Variants in SMAD6 observed in about 807,000 individuals in gnomAD.
The protein encoded by SMAD6 is MAD homolog 6.
SMAD6 carries 103 observed loss-of-function variants against 39.4 expected under a neutral mutation model. That is an observed-to-expected ratio of 2.62 (90% CI 2.23 to 3.08). The LOEUF (loss-of-function observed/expected upper bound fraction) is 3.08, where lower values mean the gene tolerates loss of function less well. Among genes scored for constraint, SMAD6 ranks in the 30% most tolerant of loss-of-function variants. The pLI, the probability that SMAD6 is intolerant of heterozygous loss-of-function variation, is 0.00. For missense variants in SMAD6, 1,104 were observed against 742.9 expected, an observed-to-expected ratio of 1.49 and a Z score of -5.65; for synonymous variants, 445 against 353.3, an observed-to-expected ratio of 1.26 and a Z score of -2.91.
At chr15:66,762,044 A>G (rs1567110690) in intron 3 of SMAD6, among the ~76,000 whole-genome samples, 1 of 152,108 alleles carries the variant, frequency 6.6e-6, no homozygotes, top group Non-Finnish European at 1.5e-5. Flanking sequence ...GCGACTGCTC[A>G]CCTCCTGCAG....
At chr15:66,752,964 G>A (rs984472806) in intron 3 of SMAD6, among the ~76,000 whole-genome samples, 7 of 152,308 alleles carry the variant, frequency 4.6e-5, no homozygotes, top group Middle Eastern at 3.4e-3. Context: ...AGGGGGACAA[G>A]GGTAACATTT....
chr15:66,711,674 C>T lies in SMAD6; in HGVS notation c.824C>T (p.Pro275Leu), dbSNP rs759668190. 1.4e-5 allele frequency: 22 copies of T among 1,613,690 alleles called. No homozygotes were observed. Among genetic ancestry groups the T allele is most frequent in the East Asian group, 8.9e-5 (4 of 44,890 alleles). ...HFSRLCGPES[P>L]PPPYSRLSPR... Reference sequence around the variant, plus strand: ...GCTGTCTCCTGTCTTCCAGAATCTCCGCCACCTCCCTACTCTCGGCTGTCT... The same window carrying T: ...GCTGTCTCCTGTCTTCCAGAATCTCTGCCACCTCCCTACTCTCGGCTGTCT... The change falls in exon 2 of 4, where the codon CCG becomes CTG. Residue 275 changes from proline to leucine, a missense_variant. Transcript: ENST00000288840.
Position 66,703,722 on chromosome 15 carries a change from G to A in SMAD6, c.464G>A (p.Gly155Asp). The part of the protein sequence containing the change: ...LAGAALEPAG[G>D]GRSREARSRL... ...GGGGCGGCCCTGGAGCCGGCGGGCG[G>A]CGGGCGGAGTCGCGAAGCGCGCTCG... The change falls in exon 1 of 4, where the codon GGC (glycine) becomes GAC (aspartate). Residue 155 changes from glycine (G) to aspartate (D), a missense_variant. Coordinates refer to ENST00000288840, the MANE Select transcript of SMAD6 (RefSeq NM_005585.5). 1 of 1,351,806 alleles carries A rather than the reference G, an allele frequency of 7.4e-7. No individual in the cohort carries two copies. The highest frequency in any genetic ancestry group is 1.8e-5 in the South Asian group (1 of 56,974). 83.7% of individuals were successfully genotyped at this position (1,351,806 alleles called of 1,614,324 possible).
At chr15:66,754,808 A>G (rs1171633760) in intron 3 of SMAD6, among the ~76,000 whole-genome samples, 1 of 152,214 alleles carries the variant, frequency 6.6e-6, no homozygotes, top group African/African-American at 2.4e-5. Context: ...TTAAGGCAAC[A>G]GTGAAAAGGA....
At chr15:66,712,805 C>T (rs1893258078) in intron 2 of SMAD6, among the ~76,000 whole-genome samples, 1 of 151,758 alleles carries the variant, frequency 6.6e-6, no homozygotes, top group South Asian at 2.1e-4. Flanking sequence ...CCAGAAGTTC[C>T]AGACCAGCCT....
In SMAD6 at chr15:66,747,628, T is replaced by C. The variant is rs1893929703; in HGVS notation, c.952+31130T>C. The stretch of plus-strand genomic sequence containing the variant: ...GGTAGTTTTTAAGACTAGGTTAGCC[T>C]TCCTCGGACACTGACTCCACGGTTT... On this transcript the variant is annotated intron_variant, in intron 3 of 3. Transcript: ENST00000288840. The surrounding 1 kb of genome is among the most constrained non-coding windows in gnomAD (Gnocchi z 4.5). 6.6e-6 allele frequency among the ~76,000 whole-genome samples: 1 copy of C among 152,240 alleles called. No homozygotes were observed. Among genetic ancestry groups the C allele is most frequent in the African/African-American group, 2.4e-5 (1 of 41,464 alleles).
At chr15:66,765,182 G>A (rs373170982) in intron 3 of SMAD6, among the ~76,000 whole-genome samples, 5 of 152,202 alleles carry the variant, frequency 3.3e-5, no homozygotes, top group African/African-American at 1.2e-4. Context: ...AGGAGAAAGC[G>A]AGTGGATGAG....
chr15:66,745,944 TC>T (rs1422757782), intron 3 of SMAD6, among the ~76,000 whole-genome samples: 1 of 152,180 alleles, frequency 6.6e-6, no homozygotes, highest in Non-Finnish European at 1.5e-5. Context: ...TGTCCCCACT[TC>T]CCACAGCCAG....
At chr15:66,757,715 T>A (rs1241988742) in intron 3 of SMAD6, among the ~76,000 whole-genome samples, 1 of 152,182 alleles carries the variant, frequency 6.6e-6, no homozygotes, top group East Asian at 1.9e-4. Context: ...GTTCAGTGCC[T>A]GGAGGGGGTC....
intron 3 of SMAD6, among the ~76,000 whole-genome samples, chr15:66,721,317 A>G (rs1186742520): frequency 1.3e-5 from 2 of 152,112 alleles, no homozygotes; most frequent in Non-Finnish European, 2.9e-5. Flanking sequence ...GTCAGTGCCT[A>G]CTGAAGCTGG....
intron 3 of SMAD6, among the ~76,000 whole-genome samples, chr15:66,755,394 G>T (rs554665143): frequency 1.3e-5 from 2 of 152,210 alleles, no homozygotes; most frequent in Non-Finnish European, 1.5e-5. Context: ...GAAGAGAGAA[G>T]TGAGTGTGTG....
Position 66,781,682 on chromosome 15 carries a change from T to C in SMAD6, c.*147T>C. ...TAGATTTAATATAAAGTTTTATATA[T>C]TATATGGAAATATATATTATACTTG... On this transcript the variant is annotated 3_prime_UTR_variant, in exon 4 of 4. Transcript: ENST00000288840. 2.1e-6 allele frequency: 1 copy of C among 471,886 alleles called. No individual in the cohort carries two copies. Among genetic ancestry groups the C allele is most frequent in the Non-Finnish European group, 3.7e-6 (1 of 273,780 alleles). The allele number at this position is 471,886 out of a possible 1,614,324, so 29.2% of individuals were successfully genotyped here.
intron 3 of SMAD6, among the ~76,000 whole-genome samples, chr15:66,779,546 G>A (rs1017069108): frequency 2.6e-5 from 4 of 152,176 alleles, no homozygotes; most frequent in Admixed American, 6.5e-5. Flanking sequence ...GGGTGGCTGG[G>A]CGGGCCTCCC....
intron 3 of SMAD6, among the ~76,000 whole-genome samples, chr15:66,771,992 T>A (rs551854800): frequency 2.0e-5 from 3 of 152,170 alleles, no homozygotes; most frequent in African/African-American, 7.2e-5. Context: ...ACCGCCCTCC[T>A]AGGAAGATGG....
chr15:66,703,266 G>A lies in SMAD6; in HGVS notation c.8G>A (p.Arg3Lys), dbSNP rs1337502697. The change falls in exon 1 of 4, where the codon AGG becomes AAG. Residue 3 changes from arginine (R) to lysine (K), a missense_variant. Coordinates refer to ENST00000288840, the MANE Select transcript of SMAD6 (RefSeq NM_005585.5). Reference sequence around the variant, plus strand: ...GGCGCCAAAGGATATCGTATGTTCAGGTCCAAACGCTCGGGGCTGGTGCGG... The same window carrying A: ...GGCGCCAAAGGATATCGTATGTTCAAGTCCAAACGCTCGGGGCTGGTGCGG... MF[R>K]SKRSGLVRRL... 15 of 1,477,430 alleles carry A rather than the reference G, an allele frequency of 1.0e-5. No individual in the cohort carries two copies. The highest frequency in any genetic ancestry group is 1.3e-5 in the Non-Finnish European group (15 of 1,112,976). 91.5% of individuals were successfully genotyped at this position (1,477,430 alleles called of 1,614,324 possible).
chr15:66,768,564 C>T (rs1324951509), intron 3 of SMAD6, among the ~76,000 whole-genome samples: 1 of 152,118 alleles, frequency 6.6e-6, no homozygotes, highest in East Asian at 1.9e-4. Context: ...CATTTTATTT[C>T]GAGCCACTGA....
At chr15:66,761,076 C>T (rs911031856) in intron 3 of SMAD6, among the ~76,000 whole-genome samples, 2 of 152,156 alleles carry the variant, frequency 1.3e-5, no homozygotes, top group African/African-American at 4.8e-5. Flanking sequence ...CCTCTTTAAC[C>T]CTTTTATTTT....
intron 3 of SMAD6, among the ~76,000 whole-genome samples, chr15:66,732,865 A>T (rs1397230520): frequency 6.6e-6 from 1 of 151,866 alleles, no homozygotes; most frequent in African/African-American, 2.4e-5. Context: ...CATGCTTTTT[A>T]TGTCAGTTAT....
chr15:66,727,036 A>G (rs1168330450), intron 3 of SMAD6, among the ~76,000 whole-genome samples: 1 of 151,972 alleles, frequency 6.6e-6, no homozygotes, highest in African/African-American at 2.4e-5. Context: ...ACTTCTGGGC[A>G]TAAGCATACA....
Sources: allele counts gnomAD v4.1 joint callset (sites outside exome capture counted in the v4.1 genomes callset), GRCh38; gene constraint gnomAD v4.1.1; non-coding constraint Gnocchi (gnomAD v3.1); transcripts MANE v1.5; gene names NCBI Gene and HGNC (gene_info 2026-07-23, HGNC 2026-07-21).